The following NKAIN2 variants were observed in gnomAD, a reference collection of about 807,000 sequenced individuals.
NKAIN2 encodes sodium/potassium transporting ATPase interacting 2.
A neutral mutation model predicts 32.6 loss-of-function variants in NKAIN2; 14 were observed. The ratio of observed to expected loss-of-function variants is 0.43; its 90% CI spans 0.28 to 0.67. NKAIN2 has a LOEUF of 0.67. Among genes scored for constraint, NKAIN2 ranks in the 30% least tolerant of loss-of-function variants. The probability of loss-of-function intolerance (pLI) is 0.17; values close to 1 mark genes in which losing one functional copy is unlikely to be tolerated. For synonymous variants in NKAIN2, 80 were observed against 87.2 expected (o/e 0.92, Z 0.46); for missense variants, 198 against 258.3 (o/e 0.77, Z 1.60).
intron 1 of NKAIN2, among the ~76,000 whole-genome samples, chr6:124,000,083 C>T (rs186976873): frequency 1.3e-5 from 2 of 152,064 alleles, no homozygotes; most frequent in East Asian, 3.9e-4. Flanking sequence ...GGTTATCAAA[C>T]AAAACAACCA....
At chr6:124,815,461 G>A (rs1220626633) in intron 5 of NKAIN2, among the ~76,000 whole-genome samples, 1 of 151,662 alleles carries the variant, frequency 6.6e-6, no homozygotes, top group Non-Finnish European at 1.5e-5. Context: ...GTAGAGACGG[G>A]GTTTCACCAT....
At chr6:124,250,014 G>A (rs900506081) in intron 1 of NKAIN2, among the ~76,000 whole-genome samples, 1 of 152,112 alleles carries the variant, frequency 6.6e-6, no homozygotes, top group Admixed American at 6.6e-5. Flanking sequence ...AATCTCCAAT[G>A]TGAGGACATT....
chr6:124,085,240 T>G (rs1784142161), intron 1 of NKAIN2, among the ~76,000 whole-genome samples: 1 of 152,092 alleles, frequency 6.6e-6, no homozygotes, highest in Non-Finnish European at 1.5e-5. Context: ...ACTACTGAAT[T>G]GAAATACCAT....
intron 3 of NKAIN2, among the ~76,000 whole-genome samples, chr6:124,635,879 A>G (rs1453684918): frequency 6.6e-6 from 1 of 152,048 alleles, no homozygotes. Context: ...CCTTGGACAG[A>G]TTATCCCGAT....
chr6:124,527,835 A>G (rs997368167), intron 3 of NKAIN2, among the ~76,000 whole-genome samples: 65 of 152,298 alleles, frequency 4.3e-4, no homozygotes, highest in African/African-American at 1.6e-3. Context: ...TGGAGGTTGC[A>G]TAGGTGAAGG....
intron 3 of NKAIN2, among the ~76,000 whole-genome samples, chr6:124,501,832 T>G (rs1455234256): frequency 6.6e-6 from 1 of 152,088 alleles, no homozygotes; most frequent in Non-Finnish European, 1.5e-5. Context: ...ATATTCTCCT[T>G]CCCTTCTTTG....
At chr6:124,129,062 C>G (rs187814126) in intron 1 of NKAIN2, among the ~76,000 whole-genome samples, 2 of 152,286 alleles carry the variant, frequency 1.3e-5, no homozygotes, top group Middle Eastern at 3.4e-3. Context: ...CCACCCTTTG[C>G]GACCCTGTAC....
rs914866749 is a variant in NKAIN2 at position 124,674,196 on chromosome 6, T to C, written c.474+15810T>C. 9.7e-4 allele frequency among the ~76,000 whole-genome samples: 147 copies of C among 152,142 alleles called. 2 individuals are homozygous for C. Among genetic ancestry groups the C allele is most frequent in the South Asian group, 2.1e-4 (1 of 4,828 alleles). Reference sequence around the variant, plus strand: ...GCTTCTTTGGCTTATTTTGGGGCTCTCTACTCTGTTTCATTAGTCTATATG... The same window carrying C: ...GCTTCTTTGGCTTATTTTGGGGCTCCCTACTCTGTTTCATTAGTCTATATG... On this transcript the variant is annotated intron_variant, in intron 4 of 6. Transcript: ENST00000368417.
rs373500317 is a variant in NKAIN2 at position 124,491,777 on chromosome 6, G to T, written c.273+136430G>T. On this transcript the variant is annotated intron_variant, in intron 3 of 6. Coordinates refer to ENST00000368417, the MANE Select transcript of NKAIN2 (RefSeq NM_001040214.3). ...TTCTCAATTCCAAAACATGCAGGTAGTAAAGTCTGTAGTTGAATTAGTGAC... is the reference window on the plus strand; with the variant it reads ...TTCTCAATTCCAAAACATGCAGGTATTAAAGTCTGTAGTTGAATTAGTGAC... Among the ~76,000 whole-genome samples the T allele has an allele frequency of 6.6e-5, 10 of 152,036 alleles. No homozygotes were observed. In the East Asian group the frequency reaches 9.7e-4, roughly 15 times the overall value.
At chr6:124,160,618 AG>A (rs1788224824) in intron 1 of NKAIN2, among the ~76,000 whole-genome samples, 1 of 152,296 alleles carries the variant, frequency 6.6e-6, no homozygotes, top group East Asian at 1.9e-4. Context: ...TTTTCATGAA[AG>A]GTTGGTTTAA....
intron 3 of NKAIN2, among the ~76,000 whole-genome samples, chr6:124,657,771 T>C (rs2114423859): frequency 6.6e-6 from 1 of 151,910 alleles, no homozygotes; most frequent in Admixed American, 6.6e-5. Context: ...TTAAAATGTG[T>C]GAAAAGTAAA....
At chr6:124,427,672 C>T (rs1285042357) in intron 3 of NKAIN2, among the ~76,000 whole-genome samples, 1 of 152,088 alleles carries the variant, frequency 6.6e-6, no homozygotes, top group African/African-American at 2.4e-5. Context: ...ATGAGTTAAT[C>T]TCTGTAAACC....
chr6:123,864,248 A>C (rs771982042), intron 1 of NKAIN2, among the ~76,000 whole-genome samples: 3 of 152,220 alleles, frequency 2.0e-5, no homozygotes, highest in Admixed American at 1.3e-4. Context: ...TTGTGAGCTT[A>C]TATTGTAAAT....
Position 124,637,385 on chromosome 6 carries a change from T to C in NKAIN2, c.274-20801T>C, listed in dbSNP as rs77280057. 9.4e-3 allele frequency among the ~76,000 whole-genome samples: 1,436 copies of C among 152,026 alleles called. 13 individuals are homozygous for C. The highest frequency in any genetic ancestry group is 0.033 in the African/African-American group (1,366 of 41,516). ...TTATTCAATATAGTACTAAAATGTC[T>C]AGCAATTAGATAAGAGAAAGAAAAA... is the stretch of plus-strand genomic sequence containing the variant. On this transcript the variant is annotated intron_variant, in intron 3 of 6. Coordinates refer to ENST00000368417, the MANE Select transcript of NKAIN2 (RefSeq NM_001040214.3).
chr6:123,833,303 G>A (rs139635775), intron 1 of NKAIN2, among the ~76,000 whole-genome samples: 1 of 152,200 alleles, frequency 6.6e-6, no homozygotes, highest in African/African-American at 2.4e-5. Context: ...TTATCTGTCT[G>A]TTCTTTAGGC....
At chr6:124,682,298 A>G (rs1216827617) in intron 4 of NKAIN2, among the ~76,000 whole-genome samples, 1 of 152,144 alleles carries the variant, frequency 6.6e-6, no homozygotes, top group Non-Finnish European at 1.5e-5. Context: ...TATAGGAAGG[A>G]TGACCTTGTA....
At chr6:124,620,020 T>C (rs561425597) in intron 3 of NKAIN2, among the ~76,000 whole-genome samples, 1 of 152,132 alleles carries the variant, frequency 6.6e-6, no homozygotes, top group Non-Finnish European at 1.5e-5. Flanking sequence ...CATGTTAAAT[T>C]AGTAAATTAT....
intron 4 of NKAIN2, among the ~76,000 whole-genome samples, chr6:124,700,996 C>T (rs1414893218): frequency 6.6e-6 from 1 of 150,908 alleles, no homozygotes; most frequent in African/African-American, 2.4e-5. Flanking sequence ...AAATAATGCC[C>T]TAGAATTCTG....
intron 2 of NKAIN2, among the ~76,000 whole-genome samples, chr6:124,285,563 T>A (rs1795500522): frequency 6.6e-6 from 1 of 152,136 alleles, no homozygotes; most frequent in Non-Finnish European, 1.5e-5. Flanking sequence ...GTCATTTGCC[T>A]CCTTATCTCA....
Sources: allele counts gnomAD v4.1 joint callset (sites outside exome capture counted in the v4.1 genomes callset), GRCh38; gene constraint gnomAD v4.1.1; transcripts MANE v1.5; gene names NCBI Gene and HGNC (gene_info 2026-07-23, HGNC 2026-07-21).